The following ZUP1 variants were observed in gnomAD, a reference collection of about 807,000 sequenced individuals.
The protein encoded by ZUP1 is zinc finger containing ubiquitin peptidase 1.
In ZUP1, 55 loss-of-function variants were observed where a neutral mutation model predicts 68.1. The ratio of observed to expected loss-of-function variants is 0.81; its 90% confidence interval spans 0.65 to 1.01. ZUP1 has a LOEUF of 1.01. ZUP1 is among the 50% of genes least tolerant of loss of function. The pLI, the probability that ZUP1 is intolerant of heterozygous loss-of-function variation, is 0.00. For missense variants in ZUP1, 684 were observed against 674.9 expected (o/e 1.01, Z -0.15); for synonymous variants, 223 against 221.5 (o/e 1.01, Z -0.06).
intron 4 of ZUP1, among the ~76,000 whole-genome samples, chr6:116,657,286 T>TATG (rs557599741): frequency 4.9e-4 from 75 of 152,360 alleles, no homozygotes; most frequent in South Asian, 1.4e-3. Flanking sequence ...GTAAATGAAC[T>TATG]ATGTTTTGTA....
At chr6:116,639,020 G>A (rs796670159) in intron 9 of ZUP1, among the ~76,000 whole-genome samples, 4 of 152,232 alleles carry the variant, frequency 2.6e-5, no homozygotes, top group Non-Finnish European at 4.4e-5. Context: ...AGGAAACGGC[G>A]CACCAGGAGA....
rs145364204 is a variant in ZUP1, at chr6:116,660,745, A to G, written c.661T>C (p.Phe221Leu). The change falls in exon 3 of 10, where the codon TTT becomes CTT. Residue 221 changes from phenylalanine (F) to leucine (L), a missense_variant. Phe to Leu is a conservative substitution (Grantham distance 22, BLOSUM62 0). Coordinates refer to ENST00000368576, the MANE Select transcript of ZUP1 (RefSeq NM_145062.3). The part of the protein sequence containing the change: ...HVDLHLEENS[F>L]QQGMDRVQCS... ...AAACATATAAACATACCTTGCTGAA[A>G]GCTGTTTTCTTCCAAATGCAAGTCA... The G allele has an allele frequency of 3.2e-4, 504 of 1,586,896 alleles. 1 individual carries two copies. In the South Asian group the frequency reaches 3.9e-3, roughly 12 times the overall value.
chr6:116,648,931 C>T (rs576633095), intron 7 of ZUP1, among the ~76,000 whole-genome samples: 12 of 150,972 alleles, frequency 7.9e-5, no homozygotes, highest in African/African-American at 2.9e-4. Context: ...GATCGCGCCA[C>T]TGCACTCTGG....
intron 4 of ZUP1, among the ~76,000 whole-genome samples, chr6:116,658,072 G>A (rs939095631): frequency 1.8e-4 from 28 of 152,046 alleles, no homozygotes; most frequent in African/African-American, 6.5e-4. Flanking sequence ...CAGCCTGGGC[G>A]ACAAGAGTGA....
At chr6:116,643,811 T>C (rs1430665457) in intron 9 of ZUP1, among the ~76,000 whole-genome samples, 3 of 152,190 alleles carry the variant, frequency 2.0e-5, no homozygotes, top group African/African-American at 7.2e-5. Flanking sequence ...CCAAAAGCAT[T>C]GGCAACAAAA....
intron 3 of ZUP1, 22 bp downstream of exon 3, chr6:116,660,714 A>T (rs925148251): frequency 3.7e-6 from 5 of 1,353,152 alleles, no homozygotes; most frequent in East Asian, 2.3e-5. Context: ...TGATATTTTT[A>T]TCTTCAAACA....
At chr6:116,667,395 T>TA (rs1218234799) in intron 1 of ZUP1, among the ~76,000 whole-genome samples, 188 bp from the exon 2 acceptor site, 2 of 151,762 alleles carry the variant, frequency 1.3e-5, no homozygotes, top group Non-Finnish European at 2.9e-5. Context: ...TATTTTTTTT[T>TA]AAAAAAAGGC....
chr6:116,644,483 T>A (rs963248877), intron 9 of ZUP1, among the ~76,000 whole-genome samples: 2 of 152,190 alleles, frequency 1.3e-5, no homozygotes, highest in Non-Finnish European at 2.9e-5. Context: ...ATGTGGCACA[T>A]ATATACCATG....
At chr6:116,659,386 T>C (rs1776767999) in intron 3 of ZUP1, among the ~76,000 whole-genome samples, 1 of 152,146 alleles carries the variant, frequency 6.6e-6, no homozygotes, top group Admixed American at 6.6e-5. Flanking sequence ...AGCCTCGGCC[T>C]CCCAAAGTGC....
chr6:116,657,034 T>G (rs1051714821), intron 4 of ZUP1, among the ~76,000 whole-genome samples, 182 bp from the exon 5 acceptor site: 1 of 151,708 alleles, frequency 6.6e-6, no homozygotes, highest in Admixed American at 6.6e-5. Flanking sequence ...CAAAAAAAAA[T>G]TATTGACTTA....
intron 9 of ZUP1, among the ~76,000 whole-genome samples, chr6:116,640,352 T>C (rs1474966060): frequency 6.6e-6 from 1 of 151,844 alleles, no homozygotes; most frequent in African/African-American, 2.4e-5. Flanking sequence ...ACAAAGATAC[T>C]CCTCGAGAAG....
chr6:116,650,490 G>A (rs892212460), intron 7 of ZUP1, among the ~76,000 whole-genome samples: 1 of 144,158 alleles, frequency 6.9e-6, no homozygotes, highest in Non-Finnish European at 1.5e-5. Flanking sequence ...AAAGAAAACA[G>A]AGACATTATA....
intron 9 of ZUP1, among the ~76,000 whole-genome samples, chr6:116,639,289 CCT>C (rs1325527518): frequency 6.6e-6 from 1 of 152,238 alleles, no homozygotes; most frequent in African/African-American, 2.4e-5. Context: ...ACAGCAGTAA[CCT>C]CTGCAGACTT....
At chr6:116,665,369 T>C (rs1272055259) in intron 2 of ZUP1, among the ~76,000 whole-genome samples, 1 of 152,122 alleles carries the variant, frequency 6.6e-6, no homozygotes, top group African/African-American at 2.4e-5. Flanking sequence ...TTCTAGAAGT[T>C]GGCAAAGAGT....
intron 5 of ZUP1, among the ~76,000 whole-genome samples, chr6:116,652,729 T>C (rs1213500755): frequency 6.6e-6 from 1 of 152,126 alleles, no homozygotes; most frequent in Non-Finnish European, 1.5e-5. Context: ...ATATTCCATT[T>C]TGCTATTTGG....
chr6:116,653,843 G>C (rs1003972335), intron 5 of ZUP1, among the ~76,000 whole-genome samples: 1 of 151,860 alleles, frequency 6.6e-6, no homozygotes, highest in African/African-American at 2.4e-5. Flanking sequence ...ATCAGATGGA[G>C]AGCAACACTG....
At chr6:116,656,563 C>T (rs1776668595) in intron 5 of ZUP1, 121 bp downstream of exon 5, 3 of 759,160 alleles carry the variant, frequency 4.0e-6, no homozygotes, top group African/African-American at 3.7e-5. Flanking sequence ...TAAAACAATA[C>T]ATTTTTAAAA....
chr6:116,652,680 C>G (rs1776548983), intron 5 of ZUP1, among the ~76,000 whole-genome samples: 1 of 152,034 alleles, frequency 6.6e-6, no homozygotes, highest in Admixed American at 6.6e-5. Flanking sequence ...ATAAACATAT[C>G]TCATACTCCA....
chr6:116,650,167 A>G (rs6899640), intron 7 of ZUP1, among the ~76,000 whole-genome samples: 3,200 of 152,274 alleles, frequency 0.021, 119 homozygotes, highest in African/African-American at 0.073. Flanking sequence ...TCAAGCCTGT[A>G]ATCCTAGCAC....
Sources: gnomAD v4.1 joint callset for allele counts (sites outside exome capture counted in the v4.1 genomes callset) on GRCh38, gnomAD v4.1.1 for gene constraint, MANE v1.5 for transcripts, NCBI Gene and HGNC (gene_info 2026-07-23, HGNC 2026-07-21) for gene names.